The following COL19A1 variants were observed in gnomAD, a reference collection of about 807,000 sequenced individuals.
COL19A1 encodes collagen type XIX alpha 1 chain.
In COL19A1, 159 loss-of-function variants were observed where a neutral mutation model predicts 190.2. That is an observed-to-expected ratio of 0.84 (90% CI 0.73 to 0.95). The LOEUF (loss-of-function observed/expected upper bound fraction) is 0.95, where lower values mean the gene tolerates loss of function less well. Ranked by LOEUF, COL19A1 falls within the 40% of genes least tolerant of loss-of-function variation. COL19A1 has a pLI of 0.00. For synonymous variants in COL19A1, 509 were observed against 458.9 expected, an observed-to-expected ratio of 1.11 and a Z score of -1.39; for missense variants, 1,418 against 1,431.9, an observed-to-expected ratio of 0.99 and a Z score of 0.16.
intron 11 of COL19A1, among the ~76,000 whole-genome samples, chr6:69,966,793 AAAG>A (rs1398044165): frequency 5.9e-5 from 9 of 152,056 alleles, no homozygotes; most frequent in African/African-American, 2.2e-4. Flanking sequence ...AAAAAAAAAA[AAAG>A]AAAAAGGCCA....
Position 70,211,315 on chromosome 6 carries a change from T to A in COL19A1, c.*4041T>A, listed in dbSNP as rs1417145560. 6.6e-6 allele frequency among the ~76,000 whole-genome samples: 1 copy of A among 152,122 alleles called. No homozygotes were observed. Among genetic ancestry groups the A allele is most frequent in the Non-Finnish European group, 1.5e-5 (1 of 67,978 alleles). On this transcript the variant is annotated 3_prime_UTR_variant, in exon 51 of 51. Transcript: ENST00000620364. ...AAGTGTTTTGCTGACGTTGTTTTAATGAATACTCAAAAAAGCTTTGCAGAT... is the reference window on the plus strand; with the variant it reads ...AAGTGTTTTGCTGACGTTGTTTTAAAGAATACTCAAAAAAGCTTTGCAGAT...
chr6:69,926,673 G>A (rs544777734), intron 4 of COL19A1, among the ~76,000 whole-genome samples: 2 of 152,156 alleles, frequency 1.3e-5, no homozygotes, highest in East Asian at 3.9e-4. Flanking sequence ...AGGAATTCTA[G>A]GAGTGGAGAG....
At chr6:69,903,893 T>C (rs1265060514) in intron 4 of COL19A1, among the ~76,000 whole-genome samples, 3 of 152,144 alleles carry the variant, frequency 2.0e-5, no homozygotes, top group Non-Finnish European at 4.4e-5. Context: ...CGCTTCTAAA[T>C]CTGCAAGAGA....
chr6:69,951,560 T>C (rs1774124654), intron 9 of COL19A1, among the ~76,000 whole-genome samples: 1 of 151,890 alleles, frequency 6.6e-6, no homozygotes, highest in Admixed American at 6.6e-5. Flanking sequence ...AAGTCACATA[T>C]CTTATGTAAC....
intron 2 of COL19A1, among the ~76,000 whole-genome samples, chr6:69,885,258 A>G (rs572239952): frequency 2.6e-5 from 4 of 152,344 alleles, no homozygotes; most frequent in Admixed American, 1.3e-4. Flanking sequence ...AGTTATTAAC[A>G]TCTTAGTATG....
In COL19A1 at chr6:70,068,454, C is replaced by T. The variant is rs771579868; in HGVS notation, c.1202C>T (p.Pro401Leu). The T allele has an allele frequency of 2.5e-6, 4 of 1,600,862 alleles. No individual in the cohort carries two copies. In the South Asian group the frequency reaches 3.3e-5, roughly 13 times the overall value. ...CTGGGGATACAAGGCCCCCAAGGTC[C>T]ACCTGGAAAAGAGGGTCAGAGGGTA... ...GSLGIQGPQGPPGKEGQRGRR... is the reference protein window; with the variant it reads ...GSLGIQGPQGLPGKEGQRGRR... The change falls in exon 15 of 51, where the codon CCA becomes CTA. Residue 401 changes from proline (P) to leucine (L), a missense_variant. Pro to Leu is a moderately conservative substitution (Grantham distance 98). Transcript: ENST00000620364.
At chr6:69,965,430 TA>T (rs951245716) in intron 11 of COL19A1, among the ~76,000 whole-genome samples, 1 of 152,024 alleles carries the variant, frequency 6.6e-6, no homozygotes, top group Non-Finnish European at 1.5e-5. Context: ...CCATTATGGC[TA>T]AAAAAAACTA....
At chr6:70,135,226 C>T (rs1255997153) in intron 18 of COL19A1, among the ~76,000 whole-genome samples, 1 of 152,188 alleles carries the variant, frequency 6.6e-6, no homozygotes, top group Non-Finnish European at 1.5e-5. Flanking sequence ...TAAACTTCAG[C>T]TCTACAGAAG....
chr6:69,888,412 T>G (rs1769090607), intron 2 of COL19A1, among the ~76,000 whole-genome samples: 1 of 152,062 alleles, frequency 6.6e-6, no homozygotes, highest in Admixed American at 6.6e-5. Context: ...TTTGGGAAAT[T>G]AACTCTTTCT....
intron 46 of COL19A1, among the ~76,000 whole-genome samples, chr6:70,185,626 T>C (rs1371704322): frequency 1.3e-5 from 2 of 152,186 alleles, no homozygotes; most frequent in Non-Finnish European, 2.9e-5. Flanking sequence ...ACCTCAACAT[T>C]TTCTAGTAGA....
intron 9 of COL19A1, among the ~76,000 whole-genome samples, chr6:69,941,627 T>C (rs1334252956): frequency 2.0e-5 from 3 of 152,072 alleles, no homozygotes; most frequent in Non-Finnish European, 4.4e-5. Flanking sequence ...TTCATTCAAC[T>C]CTGTATCTTT....
At chr6:70,200,767 T>C (rs1767499513) in intron 49 of COL19A1, among the ~76,000 whole-genome samples, 1 of 152,198 alleles carries the variant, frequency 6.6e-6, no homozygotes, top group Non-Finnish European at 1.5e-5. Context: ...GCAACATCTG[T>C]TCAGTTCCCA....
At chr6:70,167,182 G>A (rs927307981) in intron 37 of COL19A1, among the ~76,000 whole-genome samples, 1 of 152,174 alleles carries the variant, frequency 6.6e-6, no homozygotes, top group Non-Finnish European at 1.5e-5. Flanking sequence ...TTTGGAAGAT[G>A]CATGCAAATT....
intron 11 of COL19A1, among the ~76,000 whole-genome samples, chr6:70,007,975 T>A (rs1777738843): frequency 6.6e-6 from 1 of 151,890 alleles, no homozygotes; most frequent in Non-Finnish European, 1.5e-5. Context: ...CTCAACACCC[T>A]GTAGGTCAAA....
chr6:69,929,090 C>G (rs1290611359), intron 5 of COL19A1, among the ~76,000 whole-genome samples: 1 of 150,600 alleles, frequency 6.6e-6, no homozygotes, highest in African/African-American at 2.4e-5. Flanking sequence ...AAAATTTTAT[C>G]TATAGTGTAT....
At chr6:70,000,248 T>A (rs1437002076) in intron 11 of COL19A1, among the ~76,000 whole-genome samples, 1 of 152,250 alleles carries the variant, frequency 6.6e-6, no homozygotes, top group East Asian at 1.9e-4. Context: ...TGTACAACAT[T>A]TTCTTTATTC....
chr6:70,010,136 C>T (rs1777897543), intron 11 of COL19A1, among the ~76,000 whole-genome samples: 1 of 152,078 alleles, frequency 6.6e-6, no homozygotes, highest in Non-Finnish European at 1.5e-5. Flanking sequence ...AAAGACAAAG[C>T]ACACCATGGG....
chr6:70,043,120 A>G (rs1237538500), intron 14 of COL19A1, among the ~76,000 whole-genome samples: 3 of 152,076 alleles, frequency 2.0e-5, no homozygotes, highest in African/African-American at 7.2e-5. Context: ...TTGTTTTTCA[A>G]TTTATTTTGC....
intron 48 of COL19A1, among the ~76,000 whole-genome samples, chr6:70,192,491 CTCTT>C (rs573593679): frequency 2.6e-5 from 4 of 151,394 alleles, no homozygotes; most frequent in East Asian, 1.9e-4. Context: ...TTCTCTCTCT[CTCTT>C]TCTTTCTTTG....
Sources: gnomAD v4.1 joint callset for allele counts (sites outside exome capture counted in the v4.1 genomes callset) on GRCh38, gnomAD v4.1.1 for gene constraint, MANE v1.5 for transcripts, NCBI Gene and HGNC (gene_info 2026-07-23, HGNC 2026-07-21) for gene names.